Variants in CEP63 observed in about 807,000 individuals in gnomAD.
The protein encoded by CEP63 is centrosomal protein of 63 kDa.
In CEP63, 84 loss-of-function variants were observed where a neutral mutation model predicts 89.1. That is an observed-to-expected ratio of 0.94 (90% confidence interval 0.79 to 1.13). The LOEUF (loss-of-function observed/expected upper bound fraction) is 1.13, where lower values mean the gene tolerates loss of function less well. Ranked by LOEUF, CEP63 falls within the 50% of genes most tolerant of loss-of-function variation. The probability of loss-of-function intolerance (pLI) is 0.00; values close to 1 mark genes in which losing one functional copy is unlikely to be tolerated. For synonymous variants in CEP63, 267 were observed against 272.5 expected, an observed-to-expected ratio of 0.98 and a Z score of 0.20; for missense variants, 838 against 813.3, an observed-to-expected ratio of 1.03 and a Z score of -0.37.
the CEP63 span, among the ~76,000 whole-genome samples, chr3:134,706,009 T>C: frequency 1.3e-5 from 2 of 152,180 alleles, no homozygotes; most frequent in Non-Finnish European, 2.9e-5. Context: ...CCCATCATTT[T>C]ACAGAAACTC....
chr3:134,521,778 T>C (rs1947520648), intron 3 of CEP63, among the ~76,000 whole-genome samples: 1 of 152,174 alleles, frequency 6.6e-6, no homozygotes. Flanking sequence ...TCCAATTAAC[T>C]AAATTGAAGC....
chr3:134,610,616 C>T, the CEP63 span: 34 of 477,938 alleles, frequency 7.1e-5, no homozygotes, highest in African/African-American at 3.2e-4. Context: ...CTGCAGTCTC[C>T]GCTGTCTGCT....
chr3:134,626,586 C>A, the CEP63 span, among the ~76,000 whole-genome samples: 1 of 152,180 alleles, frequency 6.6e-6, no homozygotes, highest in South Asian at 2.1e-4. Flanking sequence ...TCAGGGCTGC[C>A]ACTGTCAGTG....
the CEP63 span, among the ~76,000 whole-genome samples, chr3:134,620,415 C>T: frequency 6.6e-6 from 1 of 152,158 alleles, no homozygotes; most frequent in Admixed American, 6.5e-5. Context: ...TGGAGATGAC[C>T]TGTTGCTCTG....
the CEP63 span, among the ~76,000 whole-genome samples, chr3:134,635,241 A>G: frequency 6.6e-6 from 1 of 152,184 alleles, no homozygotes; most frequent in African/African-American, 2.4e-5. Context: ...TCATGCCTGT[A>G]ATCCCAGCAC....
At chr3:134,643,858 G>A in the CEP63 span, among the ~76,000 whole-genome samples, 8 of 139,742 alleles carry the variant, frequency 5.7e-5, no homozygotes, top group African/African-American at 7.9e-5. Flanking sequence ...ACGGAGTCTC[G>A]CTCTGTCACC....
intron 14 of CEP63, among the ~76,000 whole-genome samples, chr3:134,560,537 G>C (rs553650805): frequency 6.6e-6 from 1 of 152,158 alleles, no homozygotes; most frequent in Non-Finnish European, 1.5e-5. Context: ...ACGGGACAGC[G>C]CAGTGTAGGG....
At chr3:134,633,845 A>G in the CEP63 span, among the ~76,000 whole-genome samples, 3 of 152,202 alleles carry the variant, frequency 2.0e-5, no homozygotes, top group Admixed American at 6.5e-5. Flanking sequence ...GTCTGTCTAC[A>G]TAGGAAATCC....
At chr3:134,769,330 G>T in the CEP63 span, among the ~76,000 whole-genome samples, 10 of 152,128 alleles carry the variant, frequency 6.6e-5, no homozygotes, top group East Asian at 1.5e-3. Context: ...GTTTAAACAA[G>T]GCCCCCCAAC....
At chr3:134,486,434 C>T in intron 1 of CEP63, 1 of 985,524 alleles carries the variant, frequency 1.0e-6, no homozygotes. Flanking sequence ...TCGGCCTGGC[C>T]CGCTATGCCC....
chr3:134,731,183 G>C, the CEP63 span, among the ~76,000 whole-genome samples: 1 of 152,112 alleles, frequency 6.6e-6, no homozygotes, highest in African/African-American at 2.4e-5. Flanking sequence ...GGAAATTTTT[G>C]ACATCCCTCT....
At chr3:134,538,711 C>A (rs1298474221) in intron 6 of CEP63, among the ~76,000 whole-genome samples, 1 of 151,338 alleles carries the variant, frequency 6.6e-6, no homozygotes, top group African/African-American at 2.4e-5. Flanking sequence ...AGCCACCACA[C>A]TTGACCAAGA....
chr3:134,730,182 C>T, the CEP63 span, among the ~76,000 whole-genome samples: 4 of 152,110 alleles, frequency 2.6e-5, no homozygotes, highest in African/African-American at 7.2e-5. Context: ...ATAAACAATG[C>T]AAAATTTTTA....
chr3:134,735,463 A>T, the CEP63 span, among the ~76,000 whole-genome samples: 5 of 152,268 alleles, frequency 3.3e-5, no homozygotes, highest in African/African-American at 1.2e-4. Flanking sequence ...GGCCATTTTA[A>T]ACAGCAAAAT....
chr3:134,691,565 C>T, the CEP63 span, among the ~76,000 whole-genome samples: 21 of 151,058 alleles, frequency 1.4e-4, 1 homozygote, highest in African/African-American at 4.9e-4. Flanking sequence ...TTGCAGTGAG[C>T]TGAGATCACA....
rs368122278 is a variant in CEP63, at chr3:134,559,198, C to T, written c.1722C>T (p.Tyr574=). The T allele has an allele frequency of 1.2e-6, 2 of 1,614,140 alleles. No individual in the cohort carries two copies. The highest frequency in any genetic ancestry group is 3.3e-5 in the Admixed American group (2 of 60,030). The part of the protein sequence containing the change: ...HRHDGIKTEH[Y]KTDLHSPRGQ... ...ATGATGGAATAAAGACTGAGCACTA[C>T]AAAACAGATCTTCATTCTCCAAGAG... The change falls in exon 14 of 15, where the codon TAC becomes TAT. Residue 574 remains tyrosine (Y), a synonymous_variant. Transcript: ENST00000675561.
rs1231166245 is a variant in CEP63, at chr3:134,486,129, G to C, written c.-99G>C. The C allele has an allele frequency of 1.0e-6, 1 of 985,516 alleles. No homozygotes were observed. Among genetic ancestry groups the C allele is most frequent in the Non-Finnish European group, 1.2e-6 (1 of 830,072 alleles). The allele number at this position is 985,516 out of a possible 1,614,324, so 61.0% of individuals were successfully genotyped here. A position where few individuals can be genotyped will look rare whatever the true frequency, so the allele number is the denominator to read the frequency against. On this transcript the variant is annotated 5_prime_UTR_variant, in exon 1 of 15. Coordinates refer to ENST00000675561, the MANE Select transcript of CEP63 (RefSeq NM_001353108.3). Reference sequence around the variant, plus strand: ...ATTATTAAAAGTGTGGGGGCAGTGGGCGGAACAAACGCGCCGACTACAGAG... The same window carrying C: ...ATTATTAAAAGTGTGGGGGCAGTGGCCGGAACAAACGCGCCGACTACAGAG...
the CEP63 span, among the ~76,000 whole-genome samples, chr3:134,741,930 C>T: frequency 6.6e-6 from 1 of 152,028 alleles, no homozygotes; most frequent in Non-Finnish European, 1.5e-5. Context: ...TAGCCAGAAA[C>T]TCCAAAGGGG....
chr3:134,675,065 T>C, the CEP63 span, among the ~76,000 whole-genome samples: 8 of 152,314 alleles, frequency 5.3e-5, no homozygotes, highest in South Asian at 1.7e-3. Flanking sequence ...TATGGAAATG[T>C]AAGGGACCCA....
Sources: allele counts gnomAD v4.1 joint callset (sites outside exome capture counted in the v4.1 genomes callset), GRCh38; gene constraint gnomAD v4.1.1; transcripts MANE v1.5; gene names NCBI Gene and HGNC (gene_info 2026-07-23, HGNC 2026-07-21).